RGS6: variants seen among roughly 807,000 people sequenced by gnomAD.
The protein encoded by RGS6 is regulator of G protein signaling 6.
RGS6 carries 30 observed loss-of-function variants against 78.5 expected under a neutral mutation model. That is an observed-to-expected ratio of 0.38 (90% confidence interval 0.29 to 0.52). RGS6 has a LOEUF of 0.52. Among genes scored for constraint, RGS6 ranks in the 20% least tolerant of loss-of-function variants. RGS6 has a pLI of 0.85. For missense variants in RGS6, 495 were observed against 609.7 expected, an observed-to-expected ratio of 0.81 and a Z score of 1.98; for synonymous variants, 206 against 206.0, an observed-to-expected ratio of 1.00 and a Z score of 0.00.
At chr14:71,973,929 G>A (rs1391647302) in intron 2 of RGS6, among the ~76,000 whole-genome samples, 1 of 152,146 alleles carries the variant, frequency 6.6e-6, no homozygotes, top group African/African-American at 2.4e-5. Flanking sequence ...CAGATGAAAG[G>A]GATGGTATTT....
intron 2 of RGS6, among the ~76,000 whole-genome samples, chr14:72,349,082 G>A (rs1427509994): frequency 1.3e-5 from 2 of 152,166 alleles, no homozygotes; most frequent in Non-Finnish European, 2.9e-5. Context: ...CAGGAGAGTG[G>A]CATGAACCTG....
intron 2 of RGS6, among the ~76,000 whole-genome samples, chr14:72,042,376 G>C (rs1370430190): frequency 6.6e-6 from 1 of 151,900 alleles, no homozygotes; most frequent in Non-Finnish European, 1.5e-5. Context: ...TGATCCTCCT[G>C]CTTCGGCCTC....
intron 3 of RGS6, among the ~76,000 whole-genome samples, chr14:72,422,239 G>A (rs58209369): frequency 2.0e-5 from 3 of 152,104 alleles, no homozygotes; most frequent in African/African-American, 7.2e-5. Flanking sequence ...CCCAGTCTTA[G>A]GTATGTCTTT....
chr14:72,540,087 G>A lies in RGS6; in HGVS notation c.1415G>A (p.Arg472His), dbSNP rs771881581. 16 of 1,588,056 alleles carry A rather than the reference G, an allele frequency of 1.0e-5. No individual in the cohort carries two copies. Among genetic ancestry groups the A allele is most frequent in the South Asian group, 5.7e-5 (5 of 88,470 alleles). Residue 472 changes from arginine (R) to histidine (H), a missense_variant, in exon 17 of 18, where the codon CGC becomes CAC. By Grantham distance (29) the Arg-to-His change is conservative (BLOSUM62 0). Transcript: ENST00000553525. Reference protein sequence around the residue: ...GRRTSLEKFTRSVGKSLAGKR... With the variant: ...GRRTSLEKFTHSVGKSLAGKR... The stretch of plus-strand genomic sequence containing the variant: ...AGAACTTCCCTAGAAAAGTTCACTC[G>A]CAGTGTGGTAAGTTCAGTCGGTTTT...
intron 2 of RGS6, among the ~76,000 whole-genome samples, chr14:72,141,755 A>G (rs2096542255): frequency 6.6e-6 from 1 of 152,212 alleles, no homozygotes; most frequent in East Asian, 1.9e-4. Flanking sequence ...AGGATATGGC[A>G]TCAACTCTGA....
At chr14:72,109,561 A>G (rs565647127) in intron 2 of RGS6, among the ~76,000 whole-genome samples, 2 of 152,342 alleles carry the variant, frequency 1.3e-5, no homozygotes, top group African/African-American at 4.8e-5. Context: ...CTAAAATGCA[A>G]TGCAGAGATG....
intron 2 of RGS6, among the ~76,000 whole-genome samples, chr14:72,135,663 A>G (rs2096423348): frequency 6.6e-6 from 1 of 151,230 alleles, no homozygotes; most frequent in South Asian, 2.1e-4. Flanking sequence ...TTCTCCTAAC[A>G]TTTTTGTGGG....
chr14:72,622,302 G>A, the RGS6 span, among the ~76,000 whole-genome samples: 5 of 152,088 alleles, frequency 3.3e-5, no homozygotes, highest in Non-Finnish European at 5.9e-5. Flanking sequence ...AGGACAGGCA[G>A]AGAAAAAAAG....
rs1231810740 is a variant in RGS6, at chr14:72,101,589, T to G, written c.84+136714T>G. On this transcript the variant is annotated intron_variant, in intron 2 of 17. Transcript: ENST00000553525. The stretch of plus-strand genomic sequence containing the variant: ...CTGTTGTGCTATTATCCTCTCATGT[T>G]TCTTCAAGGCAGAGGGGTTGCTGCC... Among the ~76,000 whole-genome samples the G allele has an allele frequency of 2.0e-5, 3 of 152,192 alleles. No individual in the cohort carries two copies. In the South Asian group the frequency reaches 6.2e-4, roughly 32 times the overall value.
intron 12 of RGS6, among the ~76,000 whole-genome samples, chr14:72,491,607 T>G (rs1420202924): frequency 6.6e-6 from 1 of 152,228 alleles, no homozygotes; most frequent in Non-Finnish European, 1.5e-5. Context: ...TATTTTTTAT[T>G]TTTTTAATTG....
At chr14:72,423,847 C>G (rs1044073945) in intron 3 of RGS6, among the ~76,000 whole-genome samples, 1 of 152,178 alleles carries the variant, frequency 6.6e-6, no homozygotes, top group Non-Finnish European at 1.5e-5. Context: ...AATATTCATT[C>G]CCAAATCATT....
intron 3 of RGS6, among the ~76,000 whole-genome samples, chr14:72,426,795 G>C (rs1163230126): frequency 1.3e-5 from 2 of 152,204 alleles, no homozygotes; most frequent in African/African-American, 2.4e-5. Context: ...GTGACAGATT[G>C]TATTTCCAAA....
the RGS6 span, among the ~76,000 whole-genome samples, chr14:71,915,113 C>T: frequency 1.3e-5 from 2 of 151,732 alleles, no homozygotes; most frequent in Non-Finnish European, 2.9e-5. Context: ...AAAAAATTAG[C>T]CGGGCATGGT....
At chr14:72,357,929 T>C (rs1002391181) in intron 3 of RGS6, among the ~76,000 whole-genome samples, 1 of 151,734 alleles carries the variant, frequency 6.6e-6, no homozygotes, top group Admixed American at 6.6e-5. Context: ...GAGGAAAAAA[T>C]GTTTATTTTT....
intron 2 of RGS6, among the ~76,000 whole-genome samples, chr14:72,147,341 C>T (rs1370058307): frequency 6.6e-6 from 1 of 152,128 alleles, no homozygotes; most frequent in Non-Finnish European, 1.5e-5. Context: ...CTGTTTATAA[C>T]AGAATACCAG....
chr14:72,247,261 T>C (rs906710880), intron 2 of RGS6, among the ~76,000 whole-genome samples: 1 of 152,182 alleles, frequency 6.6e-6, no homozygotes, highest in Non-Finnish European at 1.5e-5. Flanking sequence ...TCCCTGAAAG[T>C]TGGGGTTAGC....
At chr14:72,425,551 G>A (rs972311671) in intron 3 of RGS6, among the ~76,000 whole-genome samples, 5 of 152,084 alleles carry the variant, frequency 3.3e-5, no homozygotes, top group Admixed American at 1.3e-4. Context: ...AATAAATACC[G>A]ATGGCCAATA....
chr14:71,940,678 G>A (rs1329636715), intron 1 of RGS6, among the ~76,000 whole-genome samples: 2 of 152,102 alleles, frequency 1.3e-5, no homozygotes, highest in African/African-American at 2.4e-5. Context: ...GCCACCTCTG[G>A]ATCCAATTAT....
chr14:72,261,460 AGTGAG>A (rs1594945760), intron 2 of RGS6, among the ~76,000 whole-genome samples: 1 of 61,264 alleles, frequency 1.6e-5, no homozygotes, highest in East Asian at 5.0e-4. Context: ...ACTTTTAGTA[AGTGAG>A]TGAGTCTTAG....
Sources: allele counts gnomAD v4.1 joint callset (sites outside exome capture counted in the v4.1 genomes callset), GRCh38; gene constraint gnomAD v4.1.1; transcripts MANE v1.5; gene names NCBI Gene and HGNC (gene_info 2026-07-23, HGNC 2026-07-21).